The following RELN variants were observed in gnomAD, a reference collection of about 807,000 sequenced individuals.
RELN encodes the protein reelin.
Under a neutral mutation model 427.6 loss-of-function variants are expected in RELN, and 108 were observed. The observed-to-expected ratio is 0.25, with a 90% CI of 0.22 to 0.30. RELN has a LOEUF of 0.30. Among genes scored for constraint, RELN ranks in the 10% least tolerant of loss-of-function variants. RELN has a pLI of 1.00. For synonymous variants in RELN, 1,524 were observed against 1,513.4 expected (o/e 1.01, Z -0.16); for missense variants, 3,715 against 4,302.8 (o/e 0.86, Z 3.82).
chr7:103,623,911 T>G (rs1832271598), intron 20 of RELN, among the ~76,000 whole-genome samples: 1 of 152,186 alleles, frequency 6.6e-6, no homozygotes, highest in South Asian at 2.1e-4. Flanking sequence ...CTGATGGTCC[T>G]TATAACCTAC....
At chr7:103,679,795 T>C (rs1024848678) in intron 11 of RELN, among the ~76,000 whole-genome samples, 1 of 152,222 alleles carries the variant, frequency 6.6e-6, no homozygotes, top group Non-Finnish European at 1.5e-5. Context: ...GATCTGTTAA[T>C]TGGAATATAT....
chr7:103,827,447 C>A (rs1290804706), intron 3 of RELN, among the ~76,000 whole-genome samples: 1 of 151,972 alleles, frequency 6.6e-6, no homozygotes, highest in Non-Finnish European at 1.5e-5. Flanking sequence ...CTTCTTCAAG[C>A]CTTCTTGGAG....
At position 103,885,155 on chromosome 7, in the gene RELN, C is replaced by T. The variant is rs533247995; in HGVS notation, c.337+31920G>A. Among the ~76,000 whole-genome samples the T allele has an allele frequency of 2.0e-3, 310 of 151,994 alleles. 2 individuals are homozygous for T. Among genetic ancestry groups the T allele is most frequent in the South Asian group, 0.012 (59 of 4,822 alleles). ...GAGATCAAAACCATCCTGGCTAACA[C>T]GGTGAAACCCCATCTCTACTAAAAA... On this transcript the variant is annotated intron_variant, in intron 2 of 64. Transcript: ENST00000428762.
chr7:103,910,474 A>T (rs906581693), intron 2 of RELN, among the ~76,000 whole-genome samples: 19 of 151,964 alleles, frequency 1.3e-4, no homozygotes, highest in Non-Finnish European at 5.9e-5. Flanking sequence ...TGAGATCATG[A>T]CTTTCTTCAC....
chr7:103,927,198 G>A (rs1014822701), intron 1 of RELN, among the ~76,000 whole-genome samples: 2 of 152,076 alleles, frequency 1.3e-5, no homozygotes, highest in Admixed American at 6.5e-5. Flanking sequence ...GTATTGTTCC[G>A]CTTATTCATT....
chr7:103,980,615 CCT>C (rs1337809359), intron 1 of RELN, among the ~76,000 whole-genome samples: 1 of 152,170 alleles, frequency 6.6e-6, no homozygotes, highest in Admixed American at 6.5e-5. Flanking sequence ...AAAACACTAA[CCT>C]CTCTGTGACT....
At chr7:103,912,184 A>G (rs1247820452) in intron 2 of RELN, among the ~76,000 whole-genome samples, 1 of 151,226 alleles carries the variant, frequency 6.6e-6, no homozygotes, top group East Asian at 2.0e-4. Flanking sequence ...GATTTAATCA[A>G]ATTTTGTCAC....
At chr7:103,710,196 T>C (rs1234702148) in intron 8 of RELN, among the ~76,000 whole-genome samples, 1 of 152,200 alleles carries the variant, frequency 6.6e-6, no homozygotes, top group Non-Finnish European at 1.5e-5. Flanking sequence ...TATAGTCTGA[T>C]GGCCATATTT....
At chr7:103,533,965 A>G (rs1829996315) in intron 46 of RELN, among the ~76,000 whole-genome samples, 1 of 152,166 alleles carries the variant, frequency 6.6e-6, no homozygotes, top group Non-Finnish European at 1.5e-5. Context: ...ACCTTTAATG[A>G]GCAACAAAAT....
At chr7:103,718,772 A>G (rs982864479) in intron 8 of RELN, among the ~76,000 whole-genome samples, 1 of 152,150 alleles carries the variant, frequency 6.6e-6, no homozygotes, top group Non-Finnish European at 1.5e-5. Context: ...GACAAGATAG[A>G]TTTGTCTGGC....
chr7:103,487,516 G>A (rs1372554495), intron 60 of RELN, among the ~76,000 whole-genome samples: 1 of 146,616 alleles, frequency 6.8e-6, no homozygotes, highest in Non-Finnish European at 1.5e-5. Context: ...TAAATGTTTT[G>A]TTTTGGCAAT....
At chr7:103,715,111 C>T (rs377499209) in intron 8 of RELN, among the ~76,000 whole-genome samples, 4 of 151,920 alleles carry the variant, frequency 2.6e-5, no homozygotes, top group East Asian at 1.9e-4. Flanking sequence ...CAAAAAATAC[C>T]CATGGGGGAA....
rs1451881420 is a variant in RELN at position 103,754,838 on chromosome 7, G to A, written c.545-1624C>T. 2.0e-5 allele frequency among the ~76,000 whole-genome samples: 3 copies of A among 152,116 alleles called. No individual in the cohort carries two copies. The East Asian group carries it at 5.8e-4, about 29-fold the overall frequency. On this transcript the variant is annotated intron_variant, in intron 4 of 64. Coordinates refer to ENST00000428762, the MANE Select transcript of RELN (RefSeq NM_005045.4). Reference sequence around the variant, plus strand: ...TCAAATATATATTTAACGGACAGGTGGAAGAAGACAAGCTAGCAAAGGTGA... The same window carrying A: ...TCAAATATATATTTAACGGACAGGTAGAAGAAGACAAGCTAGCAAAGGTGA...
intron 3 of RELN, among the ~76,000 whole-genome samples, chr7:103,816,181 C>T (rs1792864212): frequency 6.6e-6 from 1 of 152,106 alleles, no homozygotes. Context: ...GAGATCAAGG[C>T]CAGCCTGGCC....
At chr7:103,939,829 A>AT (rs922892614) in intron 1 of RELN, among the ~76,000 whole-genome samples, 3 of 152,342 alleles carry the variant, frequency 2.0e-5, no homozygotes, top group African/African-American at 7.2e-5. Context: ...TGAGAGATAC[A>AT]TACTAATGTG....
In RELN at chr7:103,989,090, G is replaced by T; in HGVS notation, c.226+41C>A. On this transcript the variant is annotated intron_variant, in intron 1 of 64. Coordinates refer to ENST00000428762, the MANE Select transcript of RELN (RefSeq NM_005045.4). The surrounding 1 kb of genome is among the most constrained non-coding windows in gnomAD (Gnocchi z 4.9). The stretch of plus-strand genomic sequence containing the variant: ...GGATGAGAAAGGTGCGCTGGCGGGC[G>T]CACCCGGCGGCGGCGAGCGCGGAGG... 6 of 1,560,576 alleles carry T rather than the reference G, an allele frequency of 3.8e-6. No individual in the cohort carries two copies. Among genetic ancestry groups the T allele is most frequent in the Non-Finnish European group, 5.3e-6 (6 of 1,135,740 alleles).
At chr7:103,559,579 T>G (rs892605744) in intron 36 of RELN, among the ~76,000 whole-genome samples, 7 of 152,194 alleles carry the variant, frequency 4.6e-5, no homozygotes, top group East Asian at 1.9e-4. Context: ...TGGATTTTTT[T>G]TTTGTTTGTT....
chr7:103,981,671 C>T (rs1796992587), intron 1 of RELN, among the ~76,000 whole-genome samples: 1 of 152,204 alleles, frequency 6.6e-6, no homozygotes, highest in Admixed American at 6.5e-5. Context: ...TATTTCAGGG[C>T]TGGCATAGCT....
At position 103,523,381 on chromosome 7, in the gene RELN, A is replaced by G; in HGVS notation, c.7490+10T>C. ...AGCTTTCAACAGAAGGAAGAAAAAA[A>G]CCGACTTACACGCAGTTTCCCTGGA... is the stretch of plus-strand genomic sequence containing the variant. On this transcript the variant is annotated intron_variant, in intron 47 of 64. Transcript: ENST00000428762. 3 of 1,614,086 alleles carry G rather than the reference A, an allele frequency of 1.9e-6. No homozygotes were observed. The highest frequency in any genetic ancestry group is 2.5e-6 in the Non-Finnish European group (3 of 1,179,952).
Sources: gnomAD v4.1 joint callset for allele counts (sites outside exome capture counted in the v4.1 genomes callset) on GRCh38, gnomAD v4.1.1 for gene constraint, Gnocchi (gnomAD v3.1) non-coding constraint, MANE v1.5 for transcripts, NCBI Gene and HGNC (gene_info 2026-07-23, HGNC 2026-07-21) for gene names.